Variants in ATG10 observed in about 807,000 individuals in gnomAD.
ATG10 encodes the protein autophagy related 10.
In ATG10, 30 loss-of-function variants were observed where a neutral mutation model predicts 32.1. The ratio of observed to expected loss-of-function variants is 0.94; its 90% CI spans 0.70 to 1.27. The LOEUF (loss-of-function observed/expected upper bound fraction) is 1.27, where lower values mean the gene tolerates loss of function less well. ATG10 is among the 50% of genes most tolerant of loss of function. The probability of loss-of-function intolerance (pLI) is 0.00; values close to 1 mark genes in which losing one functional copy is unlikely to be tolerated. For synonymous variants in ATG10, 87 were observed against 91.5 expected, an observed-to-expected ratio of 0.95 and a Z score of 0.28; for missense variants, 233 against 262.3, an observed-to-expected ratio of 0.89 and a Z score of 0.77.
chr5:82,030,043 T>G (rs1762701809), intron 2 of ATG10, among the ~76,000 whole-genome samples: 1 of 152,172 alleles, frequency 6.6e-6, no homozygotes, highest in Non-Finnish European at 1.5e-5. Flanking sequence ...ACCACCAGTC[T>G]CCTTCTAAAT....
intron 3 of ATG10, among the ~76,000 whole-genome samples, chr5:82,163,031 T>C: frequency 6.6e-6 from 1 of 152,240 alleles, no homozygotes; most frequent in South Asian, 2.1e-4. Context: ...ACCACCAAGA[T>C]AGAATTATTT....
At chr5:82,162,576 G>C (rs909895274) in intron 3 of ATG10, among the ~76,000 whole-genome samples, 15 of 152,112 alleles carry the variant, frequency 9.9e-5, no homozygotes, top group Non-Finnish European at 2.2e-4. Flanking sequence ...AGGTATGCAA[G>C]GGTATATGTG....
chr5:81,983,561 G>T (rs1373443339), intron 1 of ATG10, among the ~76,000 whole-genome samples: 3 of 146,186 alleles, frequency 2.1e-5, no homozygotes, highest in Non-Finnish European at 4.5e-5. Context: ...GGGCAGAGGG[G>T]CTCCTCACTT....
At chr5:82,185,893 A>C (rs1161207461) in intron 5 of ATG10, among the ~76,000 whole-genome samples, 1 of 152,184 alleles carries the variant, frequency 6.6e-6, no homozygotes, top group Non-Finnish European at 1.5e-5. Flanking sequence ...CATCTCTTTT[A>C]CACAACATCC....
chr5:81,978,705 G>A (rs1185732798), intron 1 of ATG10, among the ~76,000 whole-genome samples: 1 of 152,008 alleles, frequency 6.6e-6, no homozygotes, highest in Non-Finnish European at 1.5e-5. Flanking sequence ...CTGTCTCCCA[G>A]GCTAAAGGGC....
At chr5:82,011,221 C>T (rs994982587) in intron 2 of ATG10, among the ~76,000 whole-genome samples, 1 of 151,962 alleles carries the variant, frequency 6.6e-6, no homozygotes, top group Non-Finnish European at 1.5e-5. Context: ...CTAGATGGCT[C>T]CACCAACCTC....
chr5:82,136,412 G>A (rs1337830785), intron 3 of ATG10, among the ~76,000 whole-genome samples: 1 of 152,140 alleles, frequency 6.6e-6, no homozygotes, highest in African/African-American at 2.4e-5. Flanking sequence ...CTCTTGTAAG[G>A]CAGGCCTGGT....
intron 3 of ATG10, among the ~76,000 whole-genome samples, chr5:82,076,910 C>G (rs999243219): frequency 6.6e-6 from 1 of 152,110 alleles, no homozygotes; most frequent in African/African-American, 2.4e-5. Context: ...TCGCCTAATT[C>G]TAATCTTGCT....
intron 3 of ATG10, among the ~76,000 whole-genome samples, chr5:82,070,329 A>G (rs538170422): frequency 6.6e-6 from 1 of 152,326 alleles, no homozygotes; most frequent in East Asian, 1.9e-4. Flanking sequence ...TCTGGAAGGG[A>G]CAAGATATTT....
In ATG10 at chr5:82,227,399, T is replaced by G. The variant is rs553633532; in HGVS notation, c.454-25163T>G. Among the ~76,000 whole-genome samples the G allele has an allele frequency of 1.4e-4, 22 of 152,080 alleles. No homozygotes were observed. The South Asian group carries it at 1.7e-3, about 12-fold the overall frequency. ...TTATTTTATTATTATTTTTTTGAGA[T>G]AGGATCTATCTGTCATCCAGGCTGG... On this transcript the variant is annotated intron_variant, in intron 5 of 7. Transcript: ENST00000282185.
intron 5 of ATG10, among the ~76,000 whole-genome samples, chr5:82,241,987 A>G (rs1746824644): frequency 6.6e-6 from 1 of 152,226 alleles, no homozygotes; most frequent in East Asian, 1.9e-4. Flanking sequence ...AAGAATTACC[A>G]TATTTGTAGT....
chr5:82,084,935 A>G (rs749845406), intron 3 of ATG10, among the ~76,000 whole-genome samples: 1 of 152,218 alleles, frequency 6.6e-6, no homozygotes, highest in Non-Finnish European at 1.5e-5. Context: ...AACGAGCAAA[A>G]TAACCAGCTA....
At chr5:82,093,607 T>C (rs1440584429) in intron 3 of ATG10, among the ~76,000 whole-genome samples, 1 of 152,134 alleles carries the variant, frequency 6.6e-6, no homozygotes, top group African/African-American at 2.4e-5. Flanking sequence ...TCTGAGTCAG[T>C]TTCAATTGAT....
intron 2 of ATG10, among the ~76,000 whole-genome samples, chr5:82,000,665 T>TG (rs1761822451): frequency 6.6e-6 from 1 of 151,856 alleles, no homozygotes; most frequent in African/African-American, 2.4e-5. Context: ...CATTTCTTTT[T>TG]TTTGTTTGTT....
At chr5:82,124,698 C>T (rs1165368420) in intron 3 of ATG10, among the ~76,000 whole-genome samples, 1 of 151,976 alleles carries the variant, frequency 6.6e-6, no homozygotes, top group East Asian at 1.9e-4. Context: ...CATTGATGGG[C>T]ATTTGGGTTG....
intron 3 of ATG10, among the ~76,000 whole-genome samples, chr5:82,136,319 G>A (rs1238748022): frequency 1.3e-5 from 2 of 152,062 alleles, no homozygotes; most frequent in Non-Finnish European, 2.9e-5. Context: ...TCTTCATAGT[G>A]TCGACGGTCT....
intron 2 of ATG10, among the ~76,000 whole-genome samples, chr5:82,023,252 A>T (rs146636384): frequency 6.6e-6 from 1 of 152,218 alleles, no homozygotes; most frequent in East Asian, 1.9e-4. Context: ...GAGATACTAG[A>T]TTATAGTAGC....
intron 1 of ATG10, among the ~76,000 whole-genome samples, chr5:81,982,783 C>T (rs569219794): frequency 2.0e-5 from 3 of 152,218 alleles, no homozygotes; most frequent in South Asian, 4.2e-4. Context: ...GCATGCTGCC[C>T]TCAAGCATCT....
At chr5:82,139,169 A>G (rs1261430001) in intron 3 of ATG10, among the ~76,000 whole-genome samples, 3 of 144,032 alleles carry the variant, frequency 2.1e-5, no homozygotes, top group South Asian at 2.3e-4. Flanking sequence ...GCTGGAGTGC[A>G]GTGGCGTGAT....
Sources: allele counts gnomAD v4.1 joint callset (sites outside exome capture counted in the v4.1 genomes callset), GRCh38; gene constraint gnomAD v4.1.1; transcripts MANE v1.5; gene names NCBI Gene and HGNC (gene_info 2026-07-23, HGNC 2026-07-21).